HERC1: variants seen among roughly 807,000 people sequenced by gnomAD.
HERC1 encodes the protein HECT and RLD domain containing E3 ubiquitin protein ligase family member 1.
A neutral mutation model predicts 554.3 loss-of-function variants in HERC1; 160 were observed. That is an observed-to-expected ratio of 0.29 (90% CI 0.25 to 0.33). The LOEUF is 0.33. Among genes scored for constraint, HERC1 ranks in the 10% least tolerant of loss-of-function variants. HERC1 has a pLI of 1.00. For missense variants in HERC1, 4,919 were observed against 5,918.5 expected, an observed-to-expected ratio of 0.83 and a Z score of 5.54; for synonymous variants, 2,175 against 2,131.7, an observed-to-expected ratio of 1.02 and a Z score of -0.56.
intron 37 of HERC1, among the ~76,000 whole-genome samples, chr15:63,676,582 C>T (rs1027685337): frequency 5.5e-4 from 84 of 151,928 alleles, no homozygotes; most frequent in African/African-American, 2.0e-3. Context: ...CATGGTGAAA[C>T]CCTGTCTCTA....
At chr15:63,673,757 C>T (rs1470787012) in intron 38 of HERC1, among the ~76,000 whole-genome samples, 1 of 152,248 alleles carries the variant, frequency 6.6e-6, no homozygotes, top group African/African-American at 2.4e-5. Flanking sequence ...CAGAGTCTCG[C>T]TCAGCCGCCC....
intron 1 of HERC1, among the ~76,000 whole-genome samples, chr15:63,833,552 C>A (rs913451780): frequency 4.6e-5 from 7 of 151,856 alleles, no homozygotes; most frequent in Non-Finnish European, 8.8e-5. Context: ...TCTCCGCGGG[C>A]GCCTCGGCTT....
At position 63,663,176 on chromosome 15, in the gene HERC1, G is replaced by C; in HGVS notation, c.8709C>G (p.His2903Gln). The C allele has an allele frequency of 6.2e-7, 1 of 1,613,990 alleles. No homozygotes were observed. The highest frequency in any genetic ancestry group is 8.5e-7 in the Non-Finnish European group (1 of 1,179,880). Residue 2903 changes from histidine to glutamine, a missense_variant, in exon 44 of 78, where the codon CAC becomes CAG. Physicochemically the swap from His to Gln is conservative, Grantham distance 24 (BLOSUM62 0). Transcript: ENST00000443617. Reference protein sequence around the residue: ...AAGLYRSVQAHRNQSRREGIS... With the variant: ...AAGLYRSVQAQRNQSRREGIS... ...TTCCTTCTCTCCGACTTTGATTCCT[G>C]TGGGCCTGCACAGAGCGGTATAATC...
chr15:63,765,906 G>C (rs944738326), intron 2 of HERC1, among the ~76,000 whole-genome samples: 1 of 152,064 alleles, frequency 6.6e-6, no homozygotes, highest in South Asian at 2.1e-4. Flanking sequence ...ACCCAGGCTG[G>C]AGTGCAATGG....
chr15:63,673,906 G>A (rs1343846209), intron 38 of HERC1, among the ~76,000 whole-genome samples: 1 of 152,156 alleles, frequency 6.6e-6, no homozygotes, highest in Non-Finnish European at 1.5e-5. Context: ...TGTATTTTTA[G>A]TAGAGACAGG....
At chr15:63,630,872 AG>A (rs2152801926) in intron 68 of HERC1, among the ~76,000 whole-genome samples, 1 of 152,352 alleles carries the variant, frequency 6.6e-6, no homozygotes, top group South Asian at 2.1e-4. Context: ...TTTTTTAAAA[AG>A]TTGTATCTAA....
intron 76 of HERC1, among the ~76,000 whole-genome samples, chr15:63,614,212 C>T (rs1026575878): frequency 6.6e-6 from 1 of 152,128 alleles, no homozygotes; most frequent in African/African-American, 2.4e-5. Context: ...TCCATCCAAC[C>T]CTCAGAAGAA....
intron 40 of HERC1, among the ~76,000 whole-genome samples, 185 bp downstream of exon 40, chr15:63,669,353 G>A (rs2070788814): frequency 6.6e-6 from 1 of 152,180 alleles, no homozygotes; most frequent in Admixed American, 6.5e-5. Context: ...ATTTCTCTCC[G>A]AAATGGCCAT....
chr15:63,821,512 T>C (rs1555453536), intron 1 of HERC1, among the ~76,000 whole-genome samples: 1 of 141,554 alleles, frequency 7.1e-6, no homozygotes, highest in Non-Finnish European at 1.5e-5. Flanking sequence ...GCCGAGATCG[T>C]ACCACTGCAC....
At chr15:63,721,589 C>G (rs1003207485) in intron 19 of HERC1, among the ~76,000 whole-genome samples, 1 of 151,926 alleles carries the variant, frequency 6.6e-6, no homozygotes, top group Admixed American at 6.6e-5. Flanking sequence ...ATTGGCAGAT[C>G]TGAATAATAT....
chr15:63,709,307 G>C (rs2153107421), intron 24 of HERC1, among the ~76,000 whole-genome samples: 1 of 152,128 alleles, frequency 6.6e-6, no homozygotes, highest in African/African-American at 2.4e-5. Flanking sequence ...ACTGCGCCTG[G>C]CCCAATCTTT....
chr15:63,651,472 T>G (rs948006667), intron 52 of HERC1, 92 bp from the exon 53 acceptor site: 17 of 1,210,404 alleles, frequency 1.4e-5, no homozygotes, highest in Non-Finnish European at 2.0e-5. Context: ...TCATATAGAC[T>G]AGAGTGTATA....
intron 33 of HERC1, among the ~76,000 whole-genome samples, chr15:63,688,025 G>A (rs369525740): frequency 1.8e-4 from 28 of 152,164 alleles, no homozygotes; most frequent in African/African-American, 6.8e-4. Context: ...TTTTAAGCAG[G>A]GGATGAACAT....
chr15:63,827,766 A>C (rs2077991513), intron 1 of HERC1, among the ~76,000 whole-genome samples: 1 of 152,266 alleles, frequency 6.6e-6, no homozygotes, highest in African/African-American at 2.4e-5. Flanking sequence ...CGCATGAACA[A>C]AATGTAGTAT....
In HERC1 at chr15:63,716,497, C is replaced by T. The variant is rs752095996; in HGVS notation, c.3979-24G>A. 9.8e-6 allele frequency: 15 copies of T among 1,535,822 alleles called. No homozygotes were observed. The South Asian group carries it at 1.7e-4, about 18-fold the overall frequency. ...ATCTTAAAGAAATTATCAGAAACTA[C>T]ACTAAATACATTTTTTCCAAAATCT... On this transcript the variant is annotated intron_variant, in intron 21 of 77. Transcript: ENST00000443617.
chr15:63,826,814 AATATATATATAT>A (rs1555454978), intron 1 of HERC1, among the ~76,000 whole-genome samples: 4 of 22,238 alleles, frequency 1.8e-4, no homozygotes, highest in East Asian at 3.4e-3. Flanking sequence ...AAAAAAAAAA[AATATATATATAT>A]ATATATATAT....
rs984699843 is a variant in HERC1, at chr15:63,677,523, G to T, written c.7070+322C>A. On this transcript the variant is annotated intron_variant, in intron 37 of 77. Coordinates refer to ENST00000443617, the MANE Select transcript of HERC1 (RefSeq NM_003922.4). The surrounding 1 kb of genome is among the most constrained non-coding windows in gnomAD (Gnocchi z 4.4). ...TACTATGCCAGTGTGTAACAGAAAT[G>T]ATCAAAATGCAAAAAGCCAAATGAA... 2.6e-5 allele frequency among the ~76,000 whole-genome samples: 4 copies of T among 152,118 alleles called. No homozygotes were observed. Among genetic ancestry groups the T allele is most frequent in the African/African-American group, 9.7e-5 (4 of 41,410 alleles).
intron 25 of HERC1, among the ~76,000 whole-genome samples, chr15:63,701,032 G>GT (rs1364876727): frequency 3.3e-5 from 5 of 150,100 alleles, no homozygotes; most frequent in Admixed American, 6.6e-5. Flanking sequence ...TTGGGGGGGT[G>GT]TTTTTTTTTA....
chr15:63,616,060 A>T, intron 75 of HERC1, 140 bp from the exon 76 acceptor site: 1 of 706,300 alleles, frequency 1.4e-6, no homozygotes, highest in Non-Finnish European at 2.3e-6. Context: ...GGTAGGACTG[A>T]TCAGGCTACT....
Sources: allele counts gnomAD v4.1 joint callset (sites outside exome capture counted in the v4.1 genomes callset), GRCh38; gene constraint gnomAD v4.1.1; non-coding constraint Gnocchi (gnomAD v3.1); transcripts MANE v1.5; gene names NCBI Gene and HGNC (gene_info 2026-07-23, HGNC 2026-07-21).